RASGRF2: variants seen among roughly 807,000 people sequenced by gnomAD.
RASGRF2 encodes Ras protein specific guanine nucleotide releasing factor 2, also known as ras-specific guanine nucleotide-releasing factor 2.
In RASGRF2, 76 loss-of-function variants were observed where a neutral mutation model predicts 151.0. The ratio of observed to expected loss-of-function variants is 0.50; its 90% CI spans 0.42 to 0.61. The LOEUF is 0.61. Among genes scored for constraint, RASGRF2 ranks in the 20% least tolerant of loss-of-function variants. The pLI is 0.00. For missense variants in RASGRF2, 1,148 were observed against 1,564.6 expected, an observed-to-expected ratio of 0.73 and a Z score of 4.49; for synonymous variants, 504 against 566.5, an observed-to-expected ratio of 0.89 and a Z score of 1.57.
rs1580389078 is a variant in RASGRF2 at position 81,186,142 on chromosome 5, A to T, written c.2793+5861A>T. Among the ~76,000 whole-genome samples the T allele has an allele frequency of 4.6e-5, 7 of 152,342 alleles. No homozygotes were observed. In the South Asian group the frequency reaches 1.4e-3, roughly 32 times the overall value. Reference sequence around the variant, plus strand: ...GAACAAAGAGACACATTTTTAGCTAATAATGAATAACTTGAGTTTACATTT... The same window carrying T: ...GAACAAAGAGACACATTTTTAGCTATTAATGAATAACTTGAGTTTACATTT... On this transcript the variant is annotated intron_variant, in intron 18 of 26. Transcript: ENST00000265080.
intron 15 of RASGRF2, among the ~76,000 whole-genome samples, chr5:81,120,095 C>T (rs1276421909): frequency 6.6e-6 from 1 of 152,102 alleles, no homozygotes; most frequent in Non-Finnish European, 1.5e-5. Context: ...CCTAATGCAT[C>T]CCCCTTAGCT....
intron 1 of RASGRF2, among the ~76,000 whole-genome samples, chr5:81,027,010 T>G (rs1351583039): frequency 6.6e-6 from 1 of 152,226 alleles, no homozygotes; most frequent in African/African-American, 2.4e-5. Flanking sequence ...TTCCTGCTTC[T>G]TATTTTTTCC....
intron 2 of RASGRF2, among the ~76,000 whole-genome samples, chr5:81,053,103 C>A (rs907319883): frequency 6.6e-6 from 1 of 151,828 alleles, no homozygotes; most frequent in African/African-American, 2.4e-5. Context: ...AGAAATAAAG[C>A]CCACAATGGA....
chr5:81,146,078 A>G (rs1438338522), intron 17 of RASGRF2, among the ~76,000 whole-genome samples: 1 of 152,218 alleles, frequency 6.6e-6, no homozygotes, highest in Non-Finnish European at 1.5e-5. Context: ...GTATATTTGA[A>G]ATTAACATGT....
chr5:81,093,106 C>T (rs1752437143), intron 10 of RASGRF2, 145 bp downstream of exon 10: 1 of 824,424 alleles, frequency 1.2e-6, no homozygotes, highest in African/African-American at 1.7e-5. Context: ...GTACTGTTAC[C>T]AACTCTGCCA....
intron 2 of RASGRF2, 26 bp from the exon 3 acceptor site, chr5:81,068,006 G>A (rs1312951752): frequency 6.4e-7 from 1 of 1,572,442 alleles, no homozygotes; most frequent in East Asian, 2.2e-5. Context: ...ATATCTCAAT[G>A]ACTAACTGTG....
chr5:81,062,650 C>T (rs1751479434), intron 2 of RASGRF2, among the ~76,000 whole-genome samples: 1 of 152,126 alleles, frequency 6.6e-6, no homozygotes, highest in African/African-American at 2.4e-5. Flanking sequence ...TATTGTGTCC[C>T]AAAGTATCAA....
chr5:81,092,021 T>G (rs903664260), intron 9 of RASGRF2, among the ~76,000 whole-genome samples: 1 of 152,122 alleles, frequency 6.6e-6, no homozygotes, highest in Non-Finnish European at 1.5e-5. Context: ...TAACTTAGAT[T>G]GGAATTTTAT....
chr5:81,009,955 G>C (rs865787600), intron 1 of RASGRF2, among the ~76,000 whole-genome samples: 2 of 152,010 alleles, frequency 1.3e-5, no homozygotes, highest in Non-Finnish European at 1.5e-5. Context: ...TCAGGAGTTC[G>C]AGAGCAGCCT....
At chr5:81,035,871 T>C (rs1391745455) in intron 1 of RASGRF2, among the ~76,000 whole-genome samples, 1 of 152,122 alleles carries the variant, frequency 6.6e-6, no homozygotes, top group African/African-American at 2.4e-5. Context: ...TTTGAAGAGA[T>C]TGTGGCTGAG....
Position 81,174,807 on chromosome 5 carries a change from GT to G in RASGRF2, c.2687-5364del, listed in dbSNP as rs1309951138. ...CTAAGTTCCCATTAGACAAGTAAAG[GT>G]TTTGCCTTAAAATCCATGACAATAT... On this transcript the variant is annotated intron_variant, in intron 17 of 26. Transcript: ENST00000265080. Among the ~76,000 whole-genome samples the G allele has an allele frequency of 4.6e-5, 7 of 152,262 alleles. No individual in the cohort carries two copies. In the East Asian group the frequency reaches 1.3e-3, roughly 29 times the overall value.
chr5:80,972,446 C>T (rs1747967913), intron 1 of RASGRF2, among the ~76,000 whole-genome samples: 6 of 151,874 alleles, frequency 4.0e-5, no homozygotes, highest in Admixed American at 3.9e-4. Context: ...TGAGGTTGAG[C>T]ACCTTTTCAA....
chr5:81,142,783 T>C (rs977201078), intron 17 of RASGRF2, among the ~76,000 whole-genome samples: 3 of 152,152 alleles, frequency 2.0e-5, no homozygotes, highest in Non-Finnish European at 4.4e-5. Context: ...TTAAGAATTA[T>C]TAAGAATTTC....
chr5:81,223,804 C>T (rs1479504168), intron 26 of RASGRF2, among the ~76,000 whole-genome samples: 1 of 151,840 alleles, frequency 6.6e-6, no homozygotes. Context: ...ATAAATAGAA[C>T]AGGAATTTTG....
chr5:81,062,010 A>C lies in RASGRF2; in HGVS notation c.396-6022A>C, dbSNP rs529014689. 9.9e-4 allele frequency among the ~76,000 whole-genome samples: 144 copies of C among 144,880 alleles called. 2 individuals carry two copies. Among genetic ancestry groups the C allele is most frequent in the Middle Eastern group, 6.9e-3 (2 of 290 alleles). ...GATCCCAGCTGACAAAAAAAAAAAA[A>C]AAAAAAAAAAAAAACTGTAGAGATG... On this transcript the variant is annotated intron_variant, in intron 2 of 26. Coordinates refer to ENST00000265080, the MANE Select transcript of RASGRF2 (RefSeq NM_006909.3).
At position 80,960,775 on chromosome 5, in the gene RASGRF2, C is replaced by G. The variant is rs199546647; in HGVS notation, c.37C>G (p.Leu13Val). 122 of 1,611,272 alleles carry G rather than the reference C, an allele frequency of 7.6e-5. No homozygotes were observed. The highest frequency in any genetic ancestry group is 9.8e-5 in the Non-Finnish European group (115 of 1,178,562). ...KSVRYNEGHA[L>V]YLAFLARKEG... Reference sequence around the variant, plus strand: ...CGTGCGCTACAACGAGGGGCACGCCCTGTACCTGGCCTTTCTGGCGCGCAA... The same window carrying G: ...CGTGCGCTACAACGAGGGGCACGCCGTGTACCTGGCCTTTCTGGCGCGCAA... Residue 13 changes from leucine to valine, a missense_variant, in exon 1 of 27, where the codon CTG becomes GTG. This residue lies in a region of RASGRF2 where 221 missense variants were observed against 271.3 expected (regional missense o/e 0.81). Transcript: ENST00000265080. This position sits in a 1 kb window ranked among gnomAD's most constrained non-coding sequence, Gnocchi z 5.5.
At position 81,225,897 on chromosome 5, in the gene RASGRF2, C is replaced by A; in HGVS notation, c.*127C>A. 1 of 1,011,624 alleles carries A rather than the reference C, an allele frequency of 9.9e-7. No individual in the cohort carries two copies. The highest frequency in any genetic ancestry group is 1.4e-6 in the Non-Finnish European group (1 of 738,022). The allele number at this position is 1,011,624 out of a possible 1,614,324, so 62.7% of individuals were successfully genotyped here. A position where few individuals can be genotyped will look rare whatever the true frequency, so the allele number is the denominator to read the frequency against. ...CTTTCTCCACCAAAGAAGATGGAAC[C>A]AGACTGGAATTCTGTCTCCAGAGAG... On this transcript the variant is annotated 3_prime_UTR_variant, in exon 27 of 27. Transcript: ENST00000265080.
chr5:81,087,703 G>C (rs937553360), intron 9 of RASGRF2: 1 of 328,386 alleles, frequency 3.0e-6, no homozygotes, highest in African/African-American at 2.1e-5. Context: ...TGGGGGAGGG[G>C]AGAATGCCCC....
intron 4 of RASGRF2, among the ~76,000 whole-genome samples, chr5:81,071,652 AT>A (rs952695072): frequency 4.6e-5 from 7 of 151,568 alleles, no homozygotes; most frequent in South Asian, 2.1e-4. Flanking sequence ...TTAGAAATTA[AT>A]TTTTTTTTGA....
Sources: gnomAD v4.1 joint callset for allele counts (sites outside exome capture counted in the v4.1 genomes callset) on GRCh38, gnomAD v4.1.1 for gene constraint, gnomAD v4.1.1 regional missense constraint, Gnocchi (gnomAD v3.1) non-coding constraint, MANE v1.5 for transcripts, NCBI Gene and HGNC (gene_info 2026-07-23, HGNC 2026-07-21) for gene names.